Variants in CLEC20A observed in about 807,000 individuals in gnomAD.
CLEC20A encodes C-type lectin domain containing 20A.
chr1:178,494,663 G>C, exon 2 of CLEC20A: 2 of 399,690 alleles, frequency 5.0e-6, no homozygotes, highest in Non-Finnish European at 8.8e-6. Context: ...CGGGGTGCTG[G>C]TCATGAGGGA....
In CLEC20A at chr1:178,494,830, C is replaced by CATAG. The variant is rs1202944448; in HGVS notation, c.41-24_41-21dup. On this transcript the variant is annotated intron_variant, in intron 1 of 7. Transcript: ENST00000623247. ...GCAGGGCTGGAACAGGAGAGGCTGTCATAGCATGGCTGTCCCCACCCCAGC... is the reference window on the plus strand; with the variant it reads ...GCAGGGCTGGAACAGGAGAGGCTGTCATAGATAGCATGGCTGTCCCCACCCCAGC... The CATAG allele has an allele frequency of 7.5e-6, 3 of 399,056 alleles. No homozygotes were observed. Among genetic ancestry groups the CATAG allele is most frequent in the Non-Finnish European group, 1.3e-5 (3 of 226,212 alleles). 24.7% of individuals were successfully genotyped at this position (399,056 alleles called of 1,614,324 possible).
intron 3 of CLEC20A, among the ~76,000 whole-genome samples, chr1:178,491,137 CCTGAGGCTGGACTGGGCCAGGTCCTGA>C (rs545193615): frequency 6.6e-6 from 1 of 152,328 alleles, no homozygotes; most frequent in Non-Finnish European, 1.5e-5. Flanking sequence ...CCAGTCCCTG[CCTGAGGCTGGACTGGGCCAGGTCCTGA>C]GGTAGGACAG....
At chr1:178,497,415 C>T (rs777785454), upstream of CLEC20A, among the ~76,000 whole-genome samples, 6 of 152,308 alleles carry the variant, frequency 3.9e-5, no homozygotes, top group East Asian at 7.7e-4. Context: ...AAGGGATCAT[C>T]GTTTGACTGT....
At chr1:178,490,167 C>G in exon 4 of CLEC20A, 1 of 398,782 alleles carries the variant, frequency 2.5e-6, no homozygotes, top group South Asian at 1.3e-4. Flanking sequence ...GCACAGTCCT[C>G]TCACCATCAT....
chr1:178,498,465 C>G (rs1422235977), upstream of CLEC20A, among the ~76,000 whole-genome samples: 2 of 152,166 alleles, frequency 1.3e-5, no homozygotes, highest in Admixed American at 1.3e-4. Context: ...TGGTGCATGT[C>G]TGTAGTCCCA....
At chr1:178,486,564 T>C (rs1169901349) in intron 5 of CLEC20A, 2 of 398,464 alleles carry the variant, frequency 5.0e-6, no homozygotes, top group East Asian at 3.6e-5. Context: ...CCGAGATGCT[T>C]TCTTTGGTCC....
rs1649237908 is a variant in CLEC20A at position 178,490,157 on chromosome 1, GCA to G, written c.742_743del (p.Cys248HisfsTer29). On this transcript the variant is annotated frameshift_variant, in exon 4 of 8. Coordinates refer to ENST00000623247, the Ensembl canonical transcript of CLEC20A. LOFTEE classifies it high-confidence loss of function. ...AGGTCATATAGATGCCAAGAGCTGT[GCA>G]CAGTCCTCTCACCATCATCGGCACC... The G allele has an allele frequency of 2.5e-6, 1 of 398,754 alleles. No individual in the cohort carries two copies. Among genetic ancestry groups the G allele is most frequent in the Admixed American group, 4.4e-5 (1 of 22,742 alleles). The allele number at this position is 398,754 out of a possible 1,614,324, so 24.7% of individuals were successfully genotyped here.
At chr1:178,486,643 A>G (rs1335853006) in intron 5 of CLEC20A, 1 of 398,448 alleles carries the variant, frequency 2.5e-6, no homozygotes, top group African/African-American at 2.1e-5. Flanking sequence ...GGGTGCTGCT[A>G]TCCTGGGAGT....
rs192892902 is a variant in CLEC20A, at chr1:178,492,835, G to A, written c.398-269C>T. Among the ~76,000 whole-genome samples, 11 of 152,354 alleles carry A rather than the reference G, an allele frequency of 7.2e-5. No homozygotes were observed. In the East Asian group the frequency reaches 1.9e-3, roughly 27 times the overall value. On this transcript the variant is annotated intron_variant, in intron 2 of 7. Coordinates refer to ENST00000623247, the Ensembl canonical transcript of CLEC20A. ...GAAGGAGCAAATCTTGTAGAGAGCT[G>A]GGAGGAGCTGCCCAAGCACAGCCAC...
At chr1:178,499,322 C>T (rs1649475569), upstream of CLEC20A, among the ~76,000 whole-genome samples, 1 of 152,150 alleles carries the variant, frequency 6.6e-6, no homozygotes, top group African/African-American at 2.4e-5. Flanking sequence ...TATCGAGTGT[C>T]GACTTGATTG....
intron 5 of CLEC20A, among the ~76,000 whole-genome samples, chr1:178,488,098 G>A (rs868789242): frequency 3.9e-5 from 6 of 152,190 alleles, no homozygotes; most frequent in African/African-American, 1.4e-4. Flanking sequence ...GCTTCCCTCT[G>A]GATGCTGAGC....
Position 178,483,406 on chromosome 1 carries a change from G to A in CLEC20A, c.929-124C>T, listed in dbSNP as rs73037581. 2,780 of 395,058 alleles carry A rather than the reference G, an allele frequency of 7.0e-3. 71 individuals are homozygous for A. Among genetic ancestry groups the A allele is most frequent in the African/African-American group, 0.051 (2,484 of 48,658 alleles). The allele number at this position is 395,058 out of a possible 1,614,324, so 24.5% of individuals were successfully genotyped here. A position where few individuals can be genotyped will look rare whatever the true frequency, so the allele number is the denominator to read the frequency against. On this transcript the variant is annotated intron_variant, in intron 5 of 7. Transcript: ENST00000623247. Reference sequence around the variant, plus strand: ...AGCCACTGCTAGGCACACAGTTGCTGCAGAAGCCAGCGATGTGGGAAGCTC... The same window carrying A: ...AGCCACTGCTAGGCACACAGTTGCTACAGAAGCCAGCGATGTGGGAAGCTC...
rs1268081298 is a variant in CLEC20A, at chr1:178,483,191, T to C, written c.1020A>G (p.Thr340=). 1.5e-5 allele frequency: 6 copies of C among 398,694 alleles called. No individual in the cohort carries two copies. In the East Asian group the frequency reaches 2.1e-4, roughly 14 times the overall value. The allele number at this position is 398,694 out of a possible 1,614,324, so 24.7% of individuals were successfully genotyped here. ...AGCAGTTACCTGATTTTTGTGCTGA[T>C]GTTTTTTCTTTAGATTCTGAACTCA... Residue 340 remains threonine, a synonymous_variant, in exon 6 of 8, where the codon ACA becomes ACG. Transcript: ENST00000623247.
chr1:178,492,405 C>G (rs149749798), intron 3 of CLEC20A, 96 bp downstream of exon 3: 1 of 398,180 alleles, frequency 2.5e-6, no homozygotes, highest in African/African-American at 2.1e-5. Flanking sequence ...ACAGAGGGGA[C>G]GCGGGGGTGG....
At chr1:178,486,179 C>T (rs1256276733) in intron 5 of CLEC20A, among the ~76,000 whole-genome samples, 1 of 152,208 alleles carries the variant, frequency 6.6e-6, no homozygotes, top group African/African-American at 2.4e-5. Context: ...TCCTAAATTA[C>T]CCAGGGAGGA....
At chr1:178,479,370 T>C (rs1050521622) in exon 8 of CLEC20A, 4 of 386,264 alleles carry the variant, frequency 1.0e-5, no homozygotes, top group African/African-American at 8.3e-5. Context: ...AATCCAGGGA[T>C]GCAGGTTTCA....
chr1:178,490,645 G>A lies in CLEC20A; in HGVS notation c.464-208C>T, dbSNP rs6671311. Among the ~76,000 whole-genome samples, 1,130 of 152,348 alleles carry A rather than the reference G, an allele frequency of 7.4e-3. 16 individuals carry two copies. Among genetic ancestry groups the A allele is most frequent in the African/African-American group, 0.026 (1,068 of 41,572 alleles). On this transcript the variant is annotated intron_variant, in intron 3 of 7. Coordinates refer to ENST00000623247, the Ensembl canonical transcript of CLEC20A. ...TGAGATAGTATAGCAGCAGGTGGGG[G>A]AAACATTAGGGAAAGCAGAGCTTAA...
At chr1:178,492,643 G>C in intron 2 of CLEC20A, 77 bp from the exon 3 acceptor site, 1 of 398,382 alleles carries the variant, frequency 2.5e-6, no homozygotes, top group Non-Finnish European at 4.4e-6. Context: ...GGTTATAGCC[G>C]GGAAAACCTA....
chr1:178,499,239 T>C (rs35821628), upstream of CLEC20A, among the ~76,000 whole-genome samples: 32,071 of 152,180 alleles, frequency 0.21, 4,914 homozygotes, highest in African/African-American at 0.44. Flanking sequence ...AAGCACTCGC[T>C]TCTCACAAGC....
Sources: allele counts gnomAD v4.1 joint callset (sites outside exome capture counted in the v4.1 genomes callset), GRCh38; gene constraint gnomAD v4.1.1; transcripts MANE v1.5; gene names NCBI Gene and HGNC (gene_info 2026-07-23, HGNC 2026-07-21).